Variants in CLDN16 observed in about 807,000 individuals in gnomAD.
CLDN16 encodes the protein claudin-16.
A neutral mutation model predicts 24.6 loss-of-function variants in CLDN16; 13 were observed. That is an observed-to-expected ratio of 0.53 (90% CI 0.34 to 0.84). The LOEUF (loss-of-function observed/expected upper bound fraction) is 0.84, where lower values mean the gene tolerates loss of function less well. Among genes scored for constraint, CLDN16 ranks in the 40% least tolerant of loss-of-function variants. The pLI, the probability that CLDN16 is intolerant of heterozygous loss-of-function variation, is 0.01. For missense variants in CLDN16, 298 were observed against 292.7 expected (o/e 1.02, Z -0.13); for synonymous variants, 116 against 106.7 (o/e 1.09, Z -0.54).
rs1462660810 is a variant in CLDN16, at chr3:190,337,182, A to AGGATTTGG, written n.121+14523_121+14530dup. On this transcript the variant is annotated intron_variant and non_coding_transcript_variant, in intron 1 of 4. Coordinates refer to the CLDN16 transcript ENST00000468220. ...TCATGGGAAAATACAAACAGGAGGC[A>AGGATTTGG]GGATTTGGGTTAGTGTTACTTGTAA... Among the ~76,000 whole-genome samples, 4 of 152,232 alleles carry AGGATTTGG rather than the reference A, an allele frequency of 2.6e-5. No homozygotes were observed. The East Asian group carries it at 7.7e-4, about 29-fold the overall frequency.
chr3:190,385,105 T>C (rs566617714), upstream of CLDN16, among the ~76,000 whole-genome samples: 2 of 152,288 alleles, frequency 1.3e-5, no homozygotes, highest in South Asian at 2.1e-4. Context: ...CCGTTTATTT[T>C]CTCTGTGTCC....
At chr3:190,367,399 G>A (rs998914280) in intron 1 of CLDN16, among the ~76,000 whole-genome samples, 2 of 151,888 alleles carry the variant, frequency 1.3e-5, no homozygotes, top group African/African-American at 4.8e-5. Flanking sequence ...CACACAATAT[G>A]AAAGCCATCA....
intron 3 of CLDN16, among the ~76,000 whole-genome samples, chr3:190,382,801 C>T (rs11924099): frequency 0.14 from 21,043 of 151,998 alleles, 1,519 homozygotes; most frequent in Middle Eastern, 0.21. Flanking sequence ...TCTTTTTGTC[C>T]CAATTTCCTT....
intron 1 of CLDN16, among the ~76,000 whole-genome samples, chr3:190,348,607 C>T (rs1350092448): frequency 6.6e-6 from 1 of 152,028 alleles, no homozygotes; most frequent in East Asian, 1.9e-4. Context: ...AAAAACTATG[C>T]CCCCATTGCC....
chr3:190,364,594 C>A (rs1204927036), intron 1 of CLDN16, among the ~76,000 whole-genome samples: 5 of 151,844 alleles, frequency 3.3e-5, no homozygotes, highest in Admixed American at 6.6e-5. Context: ...TGCTTTAGGG[C>A]CCTGGGGATT....
intron 3 of CLDN16, among the ~76,000 whole-genome samples, chr3:190,379,788 TC>T (rs1380474766): frequency 6.6e-6 from 1 of 152,104 alleles, no homozygotes; most frequent in Non-Finnish European, 1.5e-5. Context: ...TTAGGAACAC[TC>T]CCTTCTTTTC....
rs546725702 is a variant in CLDN16, at chr3:190,333,518, A to G, written n.121+10857A>G. 3.9e-3 allele frequency among the ~76,000 whole-genome samples: 565 copies of G among 146,366 alleles called. 2 individuals are homozygous for G. Among genetic ancestry groups the G allele is most frequent in the South Asian group, 0.013 (57 of 4,408 alleles). ...GATTGAATACTATGTAGCTAAAACA[A>G]TTATCAGTCTATCATCTATCTATCT... is the stretch of plus-strand genomic sequence containing the variant. On this transcript the variant is annotated intron_variant and non_coding_transcript_variant, in intron 1 of 4. Transcript: ENST00000468220.
At chr3:190,325,078 G>A (rs943416681) in intron 1 of CLDN16, among the ~76,000 whole-genome samples, 7 of 152,156 alleles carry the variant, frequency 4.6e-5, no homozygotes, top group Non-Finnish European at 8.8e-5. Context: ...CAAGTCTAAA[G>A]CTTTATGACT....
chr3:190,366,748 G>A (rs1560088776), intron 1 of CLDN16, among the ~76,000 whole-genome samples: 2 of 151,972 alleles, frequency 1.3e-5, no homozygotes, highest in Non-Finnish European at 1.5e-5. Flanking sequence ...TGCTTTCCAG[G>A]AGGGAGGGTA....
intron 1 of CLDN16, among the ~76,000 whole-genome samples, chr3:190,400,299 C>T (rs1490963366): frequency 6.6e-6 from 1 of 152,024 alleles, no homozygotes; most frequent in African/African-American, 2.4e-5. Context: ...AGTGCAGTGG[C>T]GCGATCTCGG....
the CLDN16 span, among the ~76,000 whole-genome samples, chr3:190,302,135 C>T: frequency 3.3e-5 from 5 of 152,216 alleles, no homozygotes; most frequent in South Asian, 2.1e-4. Flanking sequence ...ATGTTATTTC[C>T]GGAATACTTT....
intron 1 of CLDN16, among the ~76,000 whole-genome samples, chr3:190,358,271 G>A (rs1170301069): frequency 6.6e-6 from 1 of 151,772 alleles, no homozygotes; most frequent in African/African-American, 2.4e-5. Context: ...CATAATAAGA[G>A]CCGCTGAGAG....
chr3:190,388,839 A>G (rs1049034411), intron 1 of CLDN16, among the ~76,000 whole-genome samples: 1 of 152,214 alleles, frequency 6.6e-6, no homozygotes, highest in East Asian at 1.9e-4. Flanking sequence ...AGCATTAAGA[A>G]TAGTGTGATA....
intron 1 of CLDN16, among the ~76,000 whole-genome samples, chr3:190,330,690 C>G (rs1330932177): frequency 6.6e-6 from 1 of 152,000 alleles, no homozygotes; most frequent in African/African-American, 2.4e-5. Flanking sequence ...AAGTACATGA[C>G]CCTAAGGATG....
At chr3:190,313,987 C>T in the CLDN16 span, among the ~76,000 whole-genome samples, 2 of 152,082 alleles carry the variant, frequency 1.3e-5, no homozygotes, top group East Asian at 1.9e-4. Context: ...TTTATGTCCT[C>T]CTTTAATTAA....
intron 1 of CLDN16, among the ~76,000 whole-genome samples, chr3:190,326,651 A>G (rs1029931879): frequency 2.0e-5 from 3 of 152,210 alleles, no homozygotes; most frequent in Admixed American, 2.0e-4. Context: ...AAAACAAACA[A>G]AACCTCAGTT....
At chr3:190,336,953 A>G (rs1292328001) in intron 1 of CLDN16, among the ~76,000 whole-genome samples, 1 of 152,218 alleles carries the variant, frequency 6.6e-6, no homozygotes, top group Non-Finnish European at 1.5e-5. Flanking sequence ...AATATTCCAG[A>G]CTTCTTTGTC....
chr3:190,366,470 A>G (rs1352503231), intron 1 of CLDN16, among the ~76,000 whole-genome samples: 2 of 151,964 alleles, frequency 1.3e-5, no homozygotes, highest in Non-Finnish European at 2.9e-5. Context: ...CACTCCTGAT[A>G]CCAGTGGTCT....
intron 1 of CLDN16, among the ~76,000 whole-genome samples, chr3:190,369,512 A>G (rs1718090153): frequency 6.6e-6 from 1 of 151,948 alleles, no homozygotes; most frequent in Non-Finnish European, 1.5e-5. Context: ...TAGATAAGCA[A>G]ACCACTCCAC....
Sources: allele counts gnomAD v4.1 joint callset (sites outside exome capture counted in the v4.1 genomes callset), GRCh38; gene constraint gnomAD v4.1.1; transcripts MANE v1.5; gene names NCBI Gene and HGNC (gene_info 2026-07-23, HGNC 2026-07-21).